RPS6KB1: variants seen among roughly 807,000 people sequenced by gnomAD.
RPS6KB1 encodes ribosomal protein S6 kinase B1, also known as ribosomal protein S6 kinase beta-1.
Under a neutral mutation model 70.2 loss-of-function variants are expected in RPS6KB1, and 12 were observed. The ratio of observed to expected loss-of-function variants is 0.17; its 90% CI spans 0.11 to 0.28. The LOEUF is 0.28. RPS6KB1 is among the 10% of genes least tolerant of loss of function. RPS6KB1 has a pLI of 1.00. For missense variants in RPS6KB1, 270 were observed against 646.6 expected (o/e 0.42, Z 6.32); for synonymous variants, 175 against 211.2 (o/e 0.83, Z 1.49).
chr17:59,922,451 C>G (rs1378943734), intron 4 of RPS6KB1, among the ~76,000 whole-genome samples: 3 of 151,464 alleles, frequency 2.0e-5, no homozygotes, highest in Non-Finnish European at 4.4e-5. Flanking sequence ...GTTTCTTGCC[C>G]AAATATTACT....
At chr17:59,928,419 C>T (rs1324353311) in intron 5 of RPS6KB1, among the ~76,000 whole-genome samples, 3 of 150,498 alleles carry the variant, frequency 2.0e-5, no homozygotes, top group Non-Finnish European at 2.9e-5. Context: ...CTCACTCTGT[C>T]GCCCAGACTG....
intron 5 of RPS6KB1, among the ~76,000 whole-genome samples, chr17:59,927,422 G>C (rs2043675085): frequency 6.6e-6 from 1 of 152,018 alleles, no homozygotes; most frequent in Non-Finnish European, 1.5e-5. Flanking sequence ...TCAGTTCTCT[G>C]AGAAGGATTT....
intron 1 of RPS6KB1, among the ~76,000 whole-genome samples, chr17:59,898,579 G>C (rs543200263): frequency 1.3e-5 from 2 of 151,576 alleles, no homozygotes; most frequent in African/African-American, 2.4e-5. Flanking sequence ...TCAGCCTCCC[G>C]AGTAGCTGGG....
chr17:59,944,400 G>A (rs185879658), intron 13 of RPS6KB1, among the ~76,000 whole-genome samples: 4 of 152,268 alleles, frequency 2.6e-5, no homozygotes, highest in African/African-American at 9.6e-5. Flanking sequence ...TTTTTGAAAT[G>A]TTGATACTTA....
intron 5 of RPS6KB1, among the ~76,000 whole-genome samples, chr17:59,927,306 A>C (rs1381730101): frequency 6.6e-6 from 1 of 151,520 alleles, no homozygotes. Flanking sequence ...CTGGTCTCGA[A>C]CTCCCGACTT....
intron 2 of RPS6KB1, among the ~76,000 whole-genome samples, chr17:59,911,151 C>T (rs1475371265): frequency 1.3e-5 from 2 of 152,112 alleles, no homozygotes; most frequent in Non-Finnish European, 2.9e-5. Flanking sequence ...GGCGACATAG[C>T]GAGACTCCGT....
At chr17:59,902,875 C>G (rs1202535684) in intron 1 of RPS6KB1, among the ~76,000 whole-genome samples, 1 of 152,054 alleles carries the variant, frequency 6.6e-6, no homozygotes, top group Non-Finnish European at 1.5e-5. Flanking sequence ...ACCTCCTCGC[C>G]TGGCCTGAAT....
At chr17:59,941,782 C>T (rs573693285) in intron 13 of RPS6KB1, among the ~76,000 whole-genome samples, 42 of 151,396 alleles carry the variant, frequency 2.8e-4, no homozygotes, top group African/African-American at 8.5e-4. Context: ...TATAGGCGTG[C>T]GCCACCACGC....
At chr17:59,932,540 C>T (rs923661356) in intron 7 of RPS6KB1, among the ~76,000 whole-genome samples, 1 of 147,976 alleles carries the variant, frequency 6.8e-6, no homozygotes, top group African/African-American at 2.5e-5. Context: ...GTTTAGTAGG[C>T]ATCAGGTTAC....
rs1374813056 is a variant in RPS6KB1 at position 59,893,308 on chromosome 17, G to A, written c.124G>A (p.Asp42Asn). 3.1e-6 allele frequency: 5 copies of A among 1,609,968 alleles called. No individual in the cohort carries two copies. In the African/African-American group the frequency reaches 5.3e-5, roughly 17 times the overall value. Reference sequence around the variant, plus strand: ...CCAGCCAGAGGACGCGGGCTCTGAGGATGAGCTGGAGGAGGGGGTGAGGCC... The same window carrying A: ...CCAGCCAGAGGACGCGGGCTCTGAGAATGAGCTGGAGGAGGGGGTGAGGCC... ...LDQPEDAGSE[D>N]ELEEGGQLNE... Residue 42 changes from aspartate (D) to asparagine (N), a missense_variant, in exon 1 of 15, where the codon GAT becomes AAT. By Grantham distance (23) the Asp-to-Asn change is conservative (BLOSUM62 1). Around this residue, in one of 4 missense-constraint regions of RPS6KB1, gnomAD observed 72 missense variants for 93.4 expected, o/e 0.77. Coordinates refer to ENST00000225577, the MANE Select transcript of RPS6KB1 (RefSeq NM_003161.4). This position sits in a 1 kb window ranked among gnomAD's most constrained non-coding sequence, Gnocchi z 4.1.
intron 3 of RPS6KB1, 22 bp from the exon 4 acceptor site, chr17:59,914,613 C>T: frequency 1.3e-6 from 2 of 1,599,434 alleles, no homozygotes; most frequent in Non-Finnish European, 1.7e-6. Flanking sequence ...CTTTGAATAA[C>T]ACACACTTTT....
chr17:59,941,983 T>G (rs552452523), intron 13 of RPS6KB1, among the ~76,000 whole-genome samples: 51 of 151,830 alleles, frequency 3.4e-4, no homozygotes, highest in African/African-American at 1.1e-3. Context: ...CTCAGCCTCC[T>G]GAGTAGCTGG....
At chr17:59,920,928 A>AC (rs1487554707) in intron 4 of RPS6KB1, among the ~76,000 whole-genome samples, 3 of 152,104 alleles carry the variant, frequency 2.0e-5, no homozygotes, top group Non-Finnish European at 4.4e-5. Context: ...CAAACTCCTG[A>AC]CCTCAAGTGA....
At position 59,935,252 on chromosome 17, in the gene RPS6KB1, C is replaced by G. The variant is rs373846364; in HGVS notation, c.930C>G (p.Leu310=). The part of the protein sequence containing the change: ...KTIDKILKCK[L]NLPPYLTQEA... ...TTGACAAAATCCTCAAATGTAAACT[C>G]AATTTGCCTCCCTACCTCACACAAG... is the stretch of plus-strand genomic sequence containing the variant. Residue 310 remains leucine, a synonymous_variant, in exon 10 of 15, where the codon CTC becomes CTG. Coordinates refer to ENST00000225577, the MANE Select transcript of RPS6KB1 (RefSeq NM_003161.4). 1.0e-4 allele frequency: 161 copies of G among 1,612,910 alleles called. No individual in the cohort carries two copies. The highest frequency in any genetic ancestry group is 1.6e-4 in the Middle Eastern group (1 of 6,074).
intron 7 of RPS6KB1, among the ~76,000 whole-genome samples, chr17:59,933,284 A>C (rs2044048625): frequency 1.3e-5 from 2 of 150,912 alleles, no homozygotes; most frequent in Non-Finnish European, 2.9e-5. Context: ...TCTCATCAAC[A>C]CCTCCTCACT....
At position 59,946,426 on chromosome 17, in the gene RPS6KB1, C is replaced by T. The variant is rs542863713; in HGVS notation, c.1341-125C>T. The T allele has an allele frequency of 2.2e-4, 177 of 802,360 alleles. No individual in the cohort carries two copies. Among genetic ancestry groups the T allele is most frequent in the Non-Finnish European group, 3.4e-4 (165 of 487,668 alleles). 49.7% of individuals were successfully genotyped at this position (802,360 alleles called of 1,614,324 possible). On this transcript the variant is annotated intron_variant, in intron 14 of 14. Transcript: ENST00000225577. The surrounding 1 kb of genome is among the most constrained non-coding windows in gnomAD (Gnocchi z 4.2). ...TTCAATTTTTGCCTTTGTGCTAATC[C>T]ACGTGAAAATAAAATTAAATGAAAA...
chr17:59,911,015 G>C (rs1298698926), intron 2 of RPS6KB1, among the ~76,000 whole-genome samples: 4 of 152,170 alleles, frequency 2.6e-5, no homozygotes, highest in African/African-American at 9.7e-5. Context: ...GGGCACAGTG[G>C]CTCACACCTG....
chr17:59,935,391 A>G, intron 10 of RPS6KB1, 91 bp downstream of exon 10: 2 of 640,404 alleles, frequency 3.1e-6, no homozygotes, highest in African/African-American at 2.5e-5. Context: ...ATAAAGAGTC[A>G]TATATAAATA....
intron 1 of RPS6KB1, chr17:59,907,358 G>A (rs1405403985): frequency 5.9e-5 from 9 of 152,110 alleles, no homozygotes; most frequent in African/African-American, 9.7e-5. Flanking sequence ...CTGCAAGAAA[G>A]GAACCTGGGG....
Sources: allele counts gnomAD v4.1 joint callset (sites outside exome capture counted in the v4.1 genomes callset), GRCh38; gene constraint gnomAD v4.1.1; regional missense constraint gnomAD v4.1.1; non-coding constraint Gnocchi (gnomAD v3.1); transcripts MANE v1.5; gene names NCBI Gene and HGNC (gene_info 2026-07-23, HGNC 2026-07-21).